NOD2: variants seen among roughly 807,000 people sequenced by gnomAD.
The protein encoded by NOD2 is nucleotide binding oligomerization domain containing 2, also known as nucleotide-binding oligomerization domain-containing protein 2.
Under a neutral mutation model 90.9 loss-of-function variants are expected in NOD2, and 86 were observed. That is an observed-to-expected ratio of 0.95 (90% CI 0.79 to 1.13). The LOEUF is 1.13. Ranked by LOEUF, NOD2 falls within the 50% of genes most tolerant of loss-of-function variation. NOD2 has a pLI of 0.00. For missense variants in NOD2, 1,238 were observed against 1,283.8 expected (o/e 0.96, Z 0.55); for synonymous variants, 581 against 554.6 (o/e 1.05, Z -0.67).
chr16:50,709,241 A>G (rs1477978156), intron 3 of NOD2, among the ~76,000 whole-genome samples: 2 of 152,214 alleles, frequency 1.3e-5, no homozygotes, highest in Non-Finnish European at 2.9e-5. Context: ...CTCTGGGAAC[A>G]GAGGTGACAT....
Position 50,711,902 on chromosome 16 carries a change from A to G in NOD2, c.1910A>G (p.Gln637Arg). 6.2e-7 allele frequency: 1 copy of G among 1,608,530 alleles called. No individual in the cohort carries two copies. The highest frequency in any genetic ancestry group is 8.5e-7 in the Non-Finnish European group (1 of 1,175,782). ...GKDSSVAALL[Q>R]KAEPHNLQIT... ...GACAGCAGCGTGGCAGCTTTGCTGC[A>G]GAAGGCCGAGCCGCACAACCTTCAG... The change falls in exon 4 of 12, where the codon CAG becomes CGG. Residue 637 changes from glutamine (Q) to arginine (R), a missense_variant. Physicochemically the swap from Gln to Arg is conservative, Grantham distance 43. Transcript: ENST00000647318.
intron 2 of NOD2, among the ~76,000 whole-genome samples, chr16:50,700,543 C>T (rs1963894809): frequency 6.6e-6 from 1 of 152,228 alleles, no homozygotes; most frequent in African/African-American, 2.4e-5. Context: ...GGAGCCTCTC[C>T]AGCCTCAGTC....
Position 50,716,666 on chromosome 16 carries a change from T to C in NOD2, c.2461T>C (p.Leu821=). 1 of 1,614,124 alleles carries C rather than the reference T, an allele frequency of 6.2e-7. No individual in the cohort carries two copies. The highest frequency in any genetic ancestry group is 8.5e-7 in the Non-Finnish European group (1 of 1,179,958). ...CALHCEQLQK[L]ALFNNKLTDG... is the part of the protein sequence containing the mutation. The stretch of plus-strand genomic sequence containing the variant: ...TCTTCACTGCGAGCAATTGCAGAAG[T>C]TAGCGTAAGTCAGCCTGGGCTGTGG... The change falls in exon 5 of 12, where the codon TTA becomes CTA. Residue 821 remains leucine (L), a synonymous_variant. Transcript: ENST00000647318.
chr16:50,709,205 G>A (rs561784100), intron 3 of NOD2, among the ~76,000 whole-genome samples: 1 of 152,280 alleles, frequency 6.6e-6, no homozygotes. Flanking sequence ...TATTCAGAGG[G>A]CAGAAAGCTC....
rs1439719431 is a variant in NOD2, at chr16:50,693,644, G to C, written c.-27G>C. On this transcript the variant is annotated 5_prime_UTR_variant, in exon 1 of 12. Transcript: ENST00000647318. ...GTGGCCCGGAGTGGGCCTTGGAGTC[G>C]GCGCGCAGGCGGCTCGCGGTGAGTG... The C allele has an allele frequency of 1.3e-5, 2 of 152,462 alleles. No individual in the cohort carries two copies. Among genetic ancestry groups the C allele is most frequent in the African/African-American group, 4.8e-5 (2 of 41,422 alleles). The allele number at this position is 152,462 out of a possible 1,614,324, so 9.4% of individuals were successfully genotyped here. A position where few individuals can be genotyped will look rare whatever the true frequency, so the allele number is the denominator to read the frequency against.
chr16:50,704,098 C>A lies in NOD2; in HGVS notation c.460-3757C>A, dbSNP rs145787795. Reference sequence around the variant, plus strand: ...AAACGATATTAGTTCATGGTGAAGACAAGTCAAATATAGATAAAGGTTAGG... The same window carrying A: ...AAACGATATTAGTTCATGGTGAAGAAAAGTCAAATATAGATAAAGGTTAGG... On this transcript the variant is annotated intron_variant, in intron 2 of 11. Coordinates refer to ENST00000647318, the MANE Select transcript of NOD2 (RefSeq NM_001370466.1). Among the ~76,000 whole-genome samples, 334 of 152,334 alleles carry A rather than the reference C, an allele frequency of 2.2e-3. 3 individuals carry two copies. Among genetic ancestry groups the A allele is most frequent in the African/African-American group, 7.2e-3 (300 of 41,576 alleles).
Position 50,718,753 on chromosome 16 carries a change from A to G in NOD2, c.2550-1172A>G, listed in dbSNP as rs1412153436. Among the ~76,000 whole-genome samples, 5 of 152,310 alleles carry G rather than the reference A, an allele frequency of 3.3e-5. No individual in the cohort carries two copies. The South Asian group carries it at 6.2e-4, about 19-fold the overall frequency. On this transcript the variant is annotated intron_variant, in intron 6 of 11. Transcript: ENST00000647318. ...ATGAGCAAGCAAGTTAATCCACATG[A>G]AGGGCTGCACCGTCTGGCAGGGGCT...
intron 1 of NOD2, 121 bp downstream of exon 1, chr16:50,693,783 G>C (rs949488478): frequency 1.3e-5 from 2 of 152,280 alleles, no homozygotes; most frequent in South Asian, 4.1e-4. Flanking sequence ...CTTGGGCAAG[G>C]GTTGCCTCGG....
intron 7 of NOD2, among the ~76,000 whole-genome samples, chr16:50,721,994 T>C (rs1198459165): frequency 6.6e-6 from 1 of 152,222 alleles, no homozygotes; most frequent in Non-Finnish European, 1.5e-5. Flanking sequence ...ATTCAGCCAT[T>C]CTTTGCTAAC....
Position 50,699,715 on chromosome 16 carries a change from C to A in NOD2, c.220C>A (p.Gln74Lys). The A allele has an allele frequency of 6.2e-7, 1 of 1,614,178 alleles. No individual in the cohort carries two copies. Among genetic ancestry groups the A allele is most frequent in the Non-Finnish European group, 8.5e-7 (1 of 1,180,042 alleles). The change falls in exon 2 of 12, where the codon CAG (glutamine) becomes AAG (lysine). Residue 74 changes from glutamine (Q) to lysine (K), a missense_variant. Transcript: ENST00000647318. ...CTGGAATAAGGGTACTTGGGCCTGTCAGAAGCTCATCGCGGCTGCCCAAGA... is the reference window on the plus strand; with the variant it reads ...CTGGAATAAGGGTACTTGGGCCTGTAAGAAGCTCATCGCGGCTGCCCAAGA... ...TVWNKGTWACQKLIAAAQEAQ... is the reference protein window; with the variant it reads ...TVWNKGTWACKKLIAAAQEAQ...
At chr16:50,722,445 A>G (rs1450271416) in intron 7 of NOD2, among the ~76,000 whole-genome samples, 177 bp from the exon 8 acceptor site, 1 of 152,240 alleles carries the variant, frequency 6.6e-6, no homozygotes, top group African/African-American at 2.4e-5. Flanking sequence ...CATCCCACCC[A>G]AAAGATGGAG....
intron 2 of NOD2, among the ~76,000 whole-genome samples, chr16:50,700,395 A>T (rs2150783875): frequency 6.6e-6 from 1 of 152,066 alleles, no homozygotes. Context: ...AACTGTTGGG[A>T]TTGCAGGCAT....
rs1178622041 is a variant in NOD2 at position 50,712,386 on chromosome 16, G to A, written c.2381+13G>A. ...GCAAGGCTCTGTAGTGAGTGTTACTGGGCATTGCTGTTCAGGTATGGGGGA... is the reference window on the plus strand; with the variant it reads ...GCAAGGCTCTGTAGTGAGTGTTACTAGGCATTGCTGTTCAGGTATGGGGGA... On this transcript the variant is annotated intron_variant, in intron 4 of 11. Coordinates refer to ENST00000647318, the MANE Select transcript of NOD2 (RefSeq NM_001370466.1). 6.2e-7 allele frequency: 1 copy of A among 1,612,956 alleles called. No individual in the cohort carries two copies. Among genetic ancestry groups the A allele is most frequent in the Non-Finnish European group, 8.5e-7 (1 of 1,180,018 alleles).
intron 1 of NOD2, among the ~76,000 whole-genome samples, chr16:50,698,361 G>A (rs904937782): frequency 1.1e-4 from 17 of 152,208 alleles, no homozygotes; most frequent in African/African-American, 4.1e-4. Flanking sequence ...TTTCGAGGGC[G>A]TGGGAGGGAG....
Position 50,732,061 on chromosome 16 carries a change from T to C in NOD2, c.*242T>C. ...CCATTGACTTCTTCCCAAGATTCAA[T>C]CCCAGGATGTACAAGGACAGCCCCT... On this transcript the variant is annotated 3_prime_UTR_variant, in exon 12 of 12. Coordinates refer to ENST00000647318, the MANE Select transcript of NOD2 (RefSeq NM_001370466.1). 1 of 532,302 alleles carries C rather than the reference T, an allele frequency of 1.9e-6. No individual in the cohort carries two copies. Among genetic ancestry groups the C allele is most frequent in the Non-Finnish European group, 3.4e-6 (1 of 290,076 alleles). The allele number at this position is 532,302 out of a possible 1,614,324, so 33.0% of individuals were successfully genotyped here.
intron 6 of NOD2, among the ~76,000 whole-genome samples, chr16:50,717,203 C>G (rs1567399492): frequency 6.6e-6 from 1 of 152,246 alleles, no homozygotes. Flanking sequence ...GCCCGTAGGG[C>G]AAGAAAGCTT....
At position 50,710,947 on chromosome 16, in the gene NOD2, C is replaced by T. The variant is rs753537879; in HGVS notation, c.955C>T (p.Arg319Trp). ...LQCMAKPLSV[R>W]TLLFEHCCWP... ...GTGCATGGCCAAACCACTCTCTGTG[C>T]GGACTCTACTCTTTGAGCACTGCTG... is the stretch of plus-strand genomic sequence containing the variant. Residue 319 changes from arginine to tryptophan, a missense_variant, in exon 4 of 12, where the codon CGG becomes TGG. Arg to Trp is a moderately radical substitution (Grantham distance 101). Around this residue, in one of 3 missense-constraint regions of NOD2, gnomAD observed 567 missense variants for 577.3 expected, o/e 0.98. Transcript: ENST00000647318. The T allele has an allele frequency of 1.4e-5, 23 of 1,614,078 alleles. No homozygotes were observed. The highest frequency in any genetic ancestry group is 1.6e-4 in the Middle Eastern group (1 of 6,084).
At chr16:50,707,148 G>A (rs1964233585) in intron 2 of NOD2, among the ~76,000 whole-genome samples, 1 of 152,106 alleles carries the variant, frequency 6.6e-6, no homozygotes, top group African/African-American at 2.4e-5. Flanking sequence ...TTCCACATGC[G>A]GCTTGCATTT....
Position 50,731,759 on chromosome 16 carries a change from C to G in NOD2, c.2982C>G (p.Asn994Lys), listed in dbSNP as rs760568789. The G allele has an allele frequency of 2.5e-6, 4 of 1,612,992 alleles. No individual in the cohort carries two copies. In the Admixed American group the frequency reaches 6.7e-5, roughly 27 times the overall value. Reference protein sequence around the residue: ...DTILEVWLRGNTFSLEEVDKL... With the variant: ...DTILEVWLRGKTFSLEEVDKL... ...TGATCTGCTTTAGGCTCCGAGGGAACACTTTCTCTCTAGAGGAGGTTGACA... is the reference window on the plus strand; with the variant it reads ...TGATCTGCTTTAGGCTCCGAGGGAAGACTTTCTCTCTAGAGGAGGTTGACA... Residue 994 changes from asparagine (N) to lysine (K), a missense_variant, in exon 12 of 12, where the codon AAC becomes AAG. By Grantham distance (94) the Asn-to-Lys change is moderately conservative. Transcript: ENST00000647318.
Sources: gnomAD v4.1 joint callset for allele counts (sites outside exome capture counted in the v4.1 genomes callset) on GRCh38, gnomAD v4.1.1 for gene constraint, gnomAD v4.1.1 regional missense constraint, MANE v1.5 for transcripts, NCBI Gene and HGNC (gene_info 2026-07-23, HGNC 2026-07-21) for gene names.